MECOM: variants seen among roughly 807,000 people sequenced by gnomAD.
MECOM encodes MDS1 and EVI1 complex locus.
A neutral mutation model predicts 116.3 loss-of-function variants in MECOM; 13 were observed. The observed-to-expected ratio is 0.11, with a 90% CI of 0.07 to 0.18. The LOEUF (loss-of-function observed/expected upper bound fraction) is 0.18. Among genes scored for constraint, MECOM ranks in the 10% least tolerant of loss-of-function variants. The pLI, the probability that MECOM is intolerant of heterozygous loss-of-function variation, is 1.00. For synonymous variants in MECOM, 528 were observed against 535.2 expected (o/e 0.99, Z 0.19); for missense variants, 1,299 against 1,509.0 (o/e 0.86, Z 2.31).
intron 5 of MECOM, among the ~76,000 whole-genome samples, chr3:169,126,786 G>A (rs936426757): frequency 2.0e-5 from 3 of 151,926 alleles, no homozygotes. Flanking sequence ...CAGGAGAAGA[G>A]GATATAGGGC....
At chr3:169,263,076 GCTAT>G (rs1253800005) in intron 2 of MECOM, among the ~76,000 whole-genome samples, 8 of 31,738 alleles carry the variant, frequency 2.5e-4, no homozygotes, top group African/African-American at 4.8e-4. Context: ...TTTTCAAGAT[GCTAT>G]ATATATATAT....
chr3:169,429,216 C>T (rs189107564), intron 1 of MECOM, among the ~76,000 whole-genome samples: 2 of 152,222 alleles, frequency 1.3e-5, no homozygotes, highest in African/African-American at 4.8e-5. Context: ...CCTGTCATTC[C>T]AGCTATAGGA....
chr3:169,601,039 G>A (rs559336154), intron 1 of MECOM, among the ~76,000 whole-genome samples: 3 of 152,222 alleles, frequency 2.0e-5, no homozygotes, highest in Non-Finnish European at 2.9e-5. Flanking sequence ...TGCAATAATC[G>A]CTCCAGCATT....
At chr3:169,191,274 C>T (rs966853304) in intron 2 of MECOM, among the ~76,000 whole-genome samples, 1 of 151,954 alleles carries the variant, frequency 6.6e-6, no homozygotes, top group Non-Finnish European at 1.5e-5. Flanking sequence ...AGCTCCATGG[C>T]ACTTATCATC....
At chr3:169,521,232 G>A (rs548097606) in intron 1 of MECOM, among the ~76,000 whole-genome samples, 8 of 152,248 alleles carry the variant, frequency 5.3e-5, no homozygotes, top group Non-Finnish European at 8.8e-5. Context: ...CTATCTCTTC[G>A]TTCATAGCTT....
intron 2 of MECOM, among the ~76,000 whole-genome samples, chr3:169,260,924 A>C (rs1757453667): frequency 6.6e-6 from 1 of 152,258 alleles, no homozygotes; most frequent in South Asian, 2.1e-4. Context: ...CATGGCATTT[A>C]TCGTATGTCA....
Position 169,663,411 on chromosome 3 carries a change from G to T in MECOM, c.-39C>A. The T allele has an allele frequency of 6.3e-7, 1 of 1,594,500 alleles. No individual in the cohort carries two copies. The highest frequency in any genetic ancestry group is 1.8e-5 in the Admixed American group (1 of 57,092). ...CTGCAGCCGCTGGTGTGTGGTTGGG[G>T]CTTTTTTTTCTTGGATCCTTTCCTT... On this transcript the variant is annotated 5_prime_UTR_variant, in exon 1 of 17. Transcript: ENST00000651503.
At position 169,142,808 on chromosome 3, in the gene MECOM, ATTC is replaced by A. The variant is rs144951942; in HGVS notation, c.510+887_510+889del. Among the ~76,000 whole-genome samples, 1,355 of 152,066 alleles carry A rather than the reference ATTC, an allele frequency of 8.9e-3. 21 individuals are homozygous for A. Among genetic ancestry groups the A allele is most frequent in the African/African-American group, 0.031 (1,286 of 41,556 alleles). On this transcript the variant is annotated intron_variant, in intron 3 of 16. Coordinates refer to ENST00000651503, the MANE Select transcript of MECOM (RefSeq NM_004991.4). ...CAATTGGAAACATTTAATTTAAACT[ATTC>A]TTCTTCTTGATGGTGATTTCATAGT...
At chr3:169,404,532 T>C (rs1736365704) in intron 1 of MECOM, among the ~76,000 whole-genome samples, 1 of 152,136 alleles carries the variant, frequency 6.6e-6, no homozygotes, top group Non-Finnish European at 1.5e-5. Context: ...CAAAAATCTT[T>C]AAAAGTATAG....
At chr3:169,483,954 T>C in intron 1 of MECOM, 4 of 1,605,586 alleles carry the variant, frequency 2.5e-6, no homozygotes, top group Non-Finnish European at 2.6e-6. Context: ...ATTGGCAGCA[T>C]CCATGATTCT....
chr3:169,320,851 T>C (rs921503833), intron 2 of MECOM, among the ~76,000 whole-genome samples: 1 of 152,234 alleles, frequency 6.6e-6, no homozygotes, highest in Non-Finnish European at 1.5e-5. Flanking sequence ...TAAGAAATTC[T>C]GATGGAGTGA....
At chr3:169,317,863 G>T (rs932088763) in intron 2 of MECOM, among the ~76,000 whole-genome samples, 1 of 152,044 alleles carries the variant, frequency 6.6e-6, no homozygotes, top group East Asian at 1.9e-4. Flanking sequence ...ATGCTACCTG[G>T]CTTCAAACTA....
chr3:169,656,428 C>T (rs1577316972), intron 1 of MECOM, among the ~76,000 whole-genome samples: 1 of 152,004 alleles, frequency 6.6e-6, no homozygotes, highest in East Asian at 1.9e-4. Context: ...TAACTAAAAT[C>T]AAAATAAGAA....
intron 1 of MECOM, among the ~76,000 whole-genome samples, chr3:169,617,374 C>T (rs1391367901): frequency 5.9e-5 from 9 of 152,164 alleles, no homozygotes; most frequent in Non-Finnish European, 2.9e-5. Context: ...CATAAATCAC[C>T]TGCGAATGTT....
intron 1 of MECOM, among the ~76,000 whole-genome samples, chr3:169,540,103 G>A (rs1189979304): frequency 6.6e-6 from 1 of 152,082 alleles, no homozygotes; most frequent in African/African-American, 2.4e-5. Flanking sequence ...TCCCACATCT[G>A]AATCTTCAGG....
chr3:169,179,814 A>C (rs560814139), intron 2 of MECOM, among the ~76,000 whole-genome samples: 1 of 152,174 alleles, frequency 6.6e-6, no homozygotes, highest in Non-Finnish European at 1.5e-5. Context: ...TATTTCCTTC[A>C]GTCCAGCAGC....
chr3:169,179,936 A>C (rs1163517821), intron 2 of MECOM, among the ~76,000 whole-genome samples: 1 of 152,204 alleles, frequency 6.6e-6, no homozygotes, highest in East Asian at 1.9e-4. Flanking sequence ...CCTGTAGCTC[A>C]GCATAAACCA....
At chr3:169,168,500 A>T (rs1743948281) in intron 2 of MECOM, among the ~76,000 whole-genome samples, 1 of 152,138 alleles carries the variant, frequency 6.6e-6, no homozygotes, top group Non-Finnish European at 1.5e-5. Flanking sequence ...AAATCCTGTT[A>T]GGTCAGATTT....
At chr3:169,264,310 T>C (rs1462936255) in intron 2 of MECOM, among the ~76,000 whole-genome samples, 2 of 152,242 alleles carry the variant, frequency 1.3e-5, no homozygotes, top group Non-Finnish European at 2.9e-5. Context: ...ACAGATTCTA[T>C]ACTTTCTTCT....
Sources: allele counts gnomAD v4.1 joint callset (sites outside exome capture counted in the v4.1 genomes callset), GRCh38; gene constraint gnomAD v4.1.1; transcripts MANE v1.5; gene names NCBI Gene and HGNC (gene_info 2026-07-23, HGNC 2026-07-21).